The following PMFBP1 variants were observed in gnomAD, a reference collection of about 807,000 sequenced individuals.
PMFBP1 encodes the protein polyamine-modulated factor 1-binding protein 1.
A neutral mutation model predicts 137.8 loss-of-function variants in PMFBP1; 131 were observed. The observed-to-expected ratio is 0.95, with a 90% confidence interval of 0.82 to 1.10. PMFBP1 has a LOEUF of 1.10. PMFBP1 is among the 50% of genes least tolerant of loss of function. The pLI, the probability that PMFBP1 is intolerant of heterozygous loss-of-function variation, is 0.00. For synonymous variants in PMFBP1, 490 were observed against 450.4 expected (o/e 1.09, Z -1.11); for missense variants, 1,199 against 1,175.4 (o/e 1.02, Z -0.29).
chr16:72,219,382 G>T, the PMFBP1 span, among the ~76,000 whole-genome samples: 1 of 152,254 alleles, frequency 6.6e-6, no homozygotes, highest in East Asian at 1.9e-4. Flanking sequence ...GTGAGAGATG[G>T]GTCTGAAGCA....
intron 3 of PMFBP1, among the ~76,000 whole-genome samples, chr16:72,161,503 C>T (rs1335491675): frequency 1.3e-5 from 2 of 152,126 alleles, no homozygotes; most frequent in South Asian, 4.1e-4. Flanking sequence ...ATTTTAGATG[C>T]ATCTTTCTGA....
chr16:72,157,671 G>T (rs1352714843), intron 3 of PMFBP1, among the ~76,000 whole-genome samples: 1 of 152,118 alleles, frequency 6.6e-6, no homozygotes, highest in African/African-American at 2.4e-5. Context: ...GCCTTTGGAG[G>T]GTACTGAACA....
chr16:72,133,479 G>A (rs75170929), intron 9 of PMFBP1, among the ~76,000 whole-genome samples: 15 of 152,076 alleles, frequency 9.9e-5, no homozygotes, highest in East Asian at 1.9e-4. Context: ...GTACCCAGCC[G>A]TTTATTATCT....
At chr16:72,178,398 T>C (rs2043265707), upstream of PMFBP1, among the ~76,000 whole-genome samples, 1 of 152,222 alleles carries the variant, frequency 6.6e-6, no homozygotes, top group African/African-American at 2.4e-5. Context: ...ACAAATATCC[T>C]GTTTTTCTTC....
chr16:72,129,269 A>C (rs768752073), intron 12 of PMFBP1, 36 bp from the exon 13 acceptor site: 1 of 1,590,618 alleles, frequency 6.3e-7, no homozygotes, highest in Non-Finnish European at 8.5e-7. Flanking sequence ...AGACTGTCTT[A>C]GACTATATTA....
chr16:72,168,206 AC>A (rs2043173102), intron 2 of PMFBP1, among the ~76,000 whole-genome samples: 1 of 152,204 alleles, frequency 6.6e-6, no homozygotes, highest in Admixed American at 6.5e-5. Context: ...TGAAAAGAAA[AC>A]CATTCACTCC....
chr16:72,161,692 A>T (rs2043064957), intron 3 of PMFBP1, among the ~76,000 whole-genome samples: 1 of 152,202 alleles, frequency 6.6e-6, no homozygotes. Context: ...ATTTGTCTAA[A>T]CTAAGAAATT....
chr16:72,172,684 C>A (rs2043233038), upstream of PMFBP1, among the ~76,000 whole-genome samples: 1 of 151,844 alleles, frequency 6.6e-6, no homozygotes, highest in Non-Finnish European at 1.5e-5. Context: ...CACAATGAGA[C>A]AAGTCACACA....
chr16:72,128,509 G>T, intron 14 of PMFBP1, 148 bp downstream of exon 14: 1 of 1,555,974 alleles, frequency 6.4e-7, no homozygotes, highest in Middle Eastern at 2.2e-4. Flanking sequence ...TGCCAATGGG[G>T]AGGGAAGTAG....
At chr16:72,236,515 A>AT in the PMFBP1 span, among the ~76,000 whole-genome samples, 37 of 152,150 alleles carry the variant, frequency 2.4e-4, no homozygotes, top group East Asian at 5.8e-4. Flanking sequence ...AATAAGGCTC[A>AT]TTTTTTTTAA....
chr16:72,219,796 T>C, the PMFBP1 span, among the ~76,000 whole-genome samples: 1 of 152,198 alleles, frequency 6.6e-6, no homozygotes, highest in Non-Finnish European at 1.5e-5. Flanking sequence ...AAAGGAGAGA[T>C]AATGTCCTCA....
rs139925979 is a variant in PMFBP1, at chr16:72,140,418, G to A, written c.801C>T (p.Asn267=). ...QELRNKLACS[N]ALVLEREKAL... is the part of the protein sequence containing the mutation. ...TCTAGAAGAAGGCACTTACCAAAGC[G>A]TTACTGCAGGCCAGCTTATTTCGAA... Residue 267 remains asparagine, a synonymous_variant, in exon 6 of 21, where the codon AAC becomes AAT. Coordinates refer to ENST00000237353, the MANE Select transcript of PMFBP1 (RefSeq NM_031293.3). 12 of 1,613,418 alleles carry A rather than the reference G, an allele frequency of 7.4e-6. No homozygotes were observed. Among genetic ancestry groups the A allele is most frequent in the South Asian group, 3.3e-5 (3 of 91,062 alleles).
At chr16:72,161,094 C>CTTTT (rs35611285) in intron 3 of PMFBP1, among the ~76,000 whole-genome samples, 5 of 124,936 alleles carry the variant, frequency 4.0e-5, no homozygotes, top group African/African-American at 5.7e-5. Context: ...TTATCTGTTA[C>CTTTT]TTTTTTTTTT....
At chr16:72,226,439 T>G in the PMFBP1 span, among the ~76,000 whole-genome samples, 1 of 152,176 alleles carries the variant, frequency 6.6e-6, no homozygotes, top group Non-Finnish European at 1.5e-5. Flanking sequence ...CCGGGGTTAA[T>G]TTTCATTAAA....
At chr16:72,244,040 T>C in the PMFBP1 span, among the ~76,000 whole-genome samples, 1 of 152,150 alleles carries the variant, frequency 6.6e-6, no homozygotes, top group South Asian at 2.1e-4. Context: ...TCTGAGACTG[T>C]CTAGAGCCTA....
At chr16:72,213,717 G>T in the PMFBP1 span, among the ~76,000 whole-genome samples, 1 of 152,208 alleles carries the variant, frequency 6.6e-6, no homozygotes, top group African/African-American at 2.4e-5. Context: ...ATGTTTTGGG[G>T]ACAATTTGTC....
At chr16:72,224,767 T>A in the PMFBP1 span, 1 of 152,252 alleles carries the variant, frequency 6.6e-6, no homozygotes, top group Non-Finnish European at 1.5e-5. Flanking sequence ...AGTGACTGAA[T>A]CAACTTGCTC....
chr16:72,223,446 T>A, the PMFBP1 span, among the ~76,000 whole-genome samples: 1 of 152,234 alleles, frequency 6.6e-6, no homozygotes, highest in South Asian at 2.1e-4. Flanking sequence ...AATATCCAAG[T>A]GGGTACTCAG....
chr16:72,212,369 C>A, the PMFBP1 span, among the ~76,000 whole-genome samples: 1 of 151,862 alleles, frequency 6.6e-6, no homozygotes, highest in Admixed American at 6.6e-5. Context: ...AGAGGATAAA[C>A]CTGTCTAGAA....
Sources: gnomAD v4.1 joint callset for allele counts (sites outside exome capture counted in the v4.1 genomes callset) on GRCh38, gnomAD v4.1.1 for gene constraint, MANE v1.5 for transcripts, NCBI Gene and HGNC (gene_info 2026-07-23, HGNC 2026-07-21) for gene names.